Variants in CPQ observed in about 807,000 individuals in gnomAD.
CPQ encodes carboxypeptidase Q, also known as Ser-Met dipeptidase.
In CPQ, 37 loss-of-function variants were observed where a neutral mutation model predicts 45.7. The observed-to-expected ratio is 0.81, with a 90% CI of 0.62 to 1.07. CPQ has a LOEUF of 1.07. CPQ is among the 50% of genes least tolerant of loss of function. The pLI is 0.00. For synonymous variants in CPQ, 186 were observed against 205.8 expected (o/e 0.90, Z 0.82); for missense variants, 537 against 572.9 (o/e 0.94, Z 0.64).
rs957352045 is a variant in CPQ, at chr8:96,875,344, A to AT, written c.642-4448dup. Among the ~76,000 whole-genome samples the AT allele has an allele frequency of 2.6e-4, 40 of 151,758 alleles. 1 individual carries two copies. Among genetic ancestry groups the AT allele is most frequent in the Admixed American group, 2.2e-3 (34 of 15,242 alleles). On this transcript the variant is annotated intron_variant, in intron 3 of 7. Coordinates refer to ENST00000220763, the MANE Select transcript of CPQ (RefSeq NM_016134.4). ...AACATTTTGATGGTTCCATTTATCT[A>AT]TTTTTTATTTTGTTGCTTGTGATTT...
At chr8:97,135,121 A>C (rs1490275375) in intron 7 of CPQ, among the ~76,000 whole-genome samples, 1 of 152,232 alleles carries the variant, frequency 6.6e-6, no homozygotes, top group Non-Finnish European at 1.5e-5. Flanking sequence ...AGCCAAGCCA[A>C]GGTTTCCAAA....
chr8:96,834,984 G>A lies in CPQ; in HGVS notation c.445G>A (p.Glu149Lys). The change falls in exon 3 of 8, where the codon GAA becomes AAA. Residue 149 changes from glutamate to lysine, a missense_variant. Physicochemically the swap from Glu to Lys is moderately conservative, Grantham distance 56. Transcript: ENST00000220763. ...ACTTTTATTTCTAGGCATTACAGCA[G>A]AAGTTCTGGTGGTGACCTCTTTCGA... Reference protein sequence around the residue: ...IGTPPEGITAEVLVVTSFDEL... With the variant: ...IGTPPEGITAKVLVVTSFDEL... 6.2e-7 allele frequency: 1 copy of A among 1,612,236 alleles called. No homozygotes were observed.
chr8:96,800,269 A>G (rs1810988878), intron 2 of CPQ, among the ~76,000 whole-genome samples: 1 of 152,216 alleles, frequency 6.6e-6, no homozygotes, highest in Non-Finnish European at 1.5e-5. Context: ...TCAACTCATT[A>G]GTAATAAGTA....
chr8:96,926,833 C>G (rs1056755971), intron 4 of CPQ, among the ~76,000 whole-genome samples: 3 of 152,020 alleles, frequency 2.0e-5, no homozygotes, highest in Non-Finnish European at 4.4e-5. Flanking sequence ...CTCTAGCCCC[C>G]AAGCCCCGGA....
At chr8:97,018,302 C>T (rs1429395524) in intron 5 of CPQ, among the ~76,000 whole-genome samples, 2 of 152,180 alleles carry the variant, frequency 1.3e-5, no homozygotes, top group African/African-American at 4.8e-5. Context: ...AGAAAACCAA[C>T]TCTGGTAATA....
At chr8:96,743,522 A>G (rs1433803286) in intron 1 of CPQ, among the ~76,000 whole-genome samples, 3 of 152,128 alleles carry the variant, frequency 2.0e-5, no homozygotes, top group African/African-American at 4.8e-5. Flanking sequence ...CTGGTGAGGA[A>G]CTGCATTCCT....
At chr8:97,120,683 T>A (rs1293043545) in intron 7 of CPQ, among the ~76,000 whole-genome samples, 1 of 152,230 alleles carries the variant, frequency 6.6e-6, no homozygotes, top group African/African-American at 2.4e-5. Context: ...CAAAGTCTTC[T>A]GTTCTCAGTT....
At chr8:96,855,826 G>A (rs764651951) in intron 3 of CPQ, among the ~76,000 whole-genome samples, 4 of 152,226 alleles carry the variant, frequency 2.6e-5, no homozygotes, top group Non-Finnish European at 4.4e-5. Context: ...AGGACAGGGG[G>A]AAGTTACACT....
intron 2 of CPQ, among the ~76,000 whole-genome samples, chr8:96,824,294 C>T (rs141336767): frequency 7.9e-5 from 12 of 152,012 alleles, no homozygotes; most frequent in African/African-American, 1.9e-4. Context: ...ATATATTTAC[C>T]GATGGGTGGC....
intron 1 of CPQ, among the ~76,000 whole-genome samples, chr8:96,719,148 T>C (rs1183098714): frequency 6.6e-6 from 1 of 152,086 alleles, no homozygotes; most frequent in African/African-American, 2.4e-5. Context: ...TGGCACTCAT[T>C]GGGGAGGCTC....
intron 1 of CPQ, among the ~76,000 whole-genome samples, chr8:96,760,809 G>A (rs933244987): frequency 6.6e-6 from 1 of 152,116 alleles, no homozygotes; most frequent in South Asian, 2.1e-4. Context: ...GCATATTTAG[G>A]AAAATGATGT....
intron 4 of CPQ, among the ~76,000 whole-genome samples, chr8:96,923,135 CT>C (rs1239160969): frequency 6.6e-6 from 1 of 152,190 alleles, no homozygotes; most frequent in Non-Finnish European, 1.5e-5. Context: ...GAAGCCCCAT[CT>C]TTCCTTGAGC....
chr8:96,903,712 C>T (rs1261452394), intron 4 of CPQ, among the ~76,000 whole-genome samples: 1 of 152,090 alleles, frequency 6.6e-6, no homozygotes, highest in Non-Finnish European at 1.5e-5. Flanking sequence ...GTGCTAGCAC[C>T]AGATTTCAAA....
At chr8:96,776,181 T>C (rs1810602662) in intron 1 of CPQ, among the ~76,000 whole-genome samples, 1 of 152,184 alleles carries the variant, frequency 6.6e-6, no homozygotes, top group South Asian at 2.1e-4. Context: ...GCAAAAATCT[T>C]CCTTAAGATA....
chr8:96,991,140 G>A (rs1809085938), intron 5 of CPQ, among the ~76,000 whole-genome samples: 1 of 152,172 alleles, frequency 6.6e-6, no homozygotes, highest in Admixed American at 6.5e-5. Context: ...CCCTAGACTA[G>A]AAGTATAAAG....
At chr8:97,045,789 C>T (rs1021490251) in intron 6 of CPQ, among the ~76,000 whole-genome samples, 3 of 152,206 alleles carry the variant, frequency 2.0e-5, no homozygotes, top group South Asian at 2.1e-4. Context: ...GACACTAACA[C>T]GTAAACATCA....
intron 1 of CPQ, among the ~76,000 whole-genome samples, chr8:96,752,886 T>C (rs1171621454): frequency 2.0e-5 from 3 of 152,104 alleles, no homozygotes; most frequent in Non-Finnish European, 2.9e-5. Flanking sequence ...TAGTTGTTTT[T>C]GTTCATTTCA....
chr8:96,720,248 T>G (rs938878193), intron 1 of CPQ, among the ~76,000 whole-genome samples: 2 of 152,180 alleles, frequency 1.3e-5, no homozygotes, highest in Admixed American at 6.5e-5. Flanking sequence ...TGCGGCATCT[T>G]GGGATTGGTT....
chr8:96,896,362 C>G (rs1812442813), intron 4 of CPQ, among the ~76,000 whole-genome samples: 1 of 152,056 alleles, frequency 6.6e-6, no homozygotes, highest in Admixed American at 6.6e-5. Context: ...TTTAAATCTA[C>G]AAGATGATAT....
Sources: gnomAD v4.1 joint callset for allele counts (sites outside exome capture counted in the v4.1 genomes callset) on GRCh38, gnomAD v4.1.1 for gene constraint, MANE v1.5 for transcripts, NCBI Gene and HGNC (gene_info 2026-07-23, HGNC 2026-07-21) for gene names.